Variants in DLG2 observed in about 807,000 individuals in gnomAD.
DLG2 encodes discs large MAGUK scaffold protein 2.
In DLG2, 45 loss-of-function variants were observed where a neutral mutation model predicts 132.5. That is an observed-to-expected ratio of 0.34 (90% CI 0.27 to 0.44). The LOEUF is 0.44. Among genes scored for constraint, DLG2 ranks in the 20% least tolerant of loss-of-function variants. The probability of loss-of-function intolerance (pLI) is 1.00; values close to 1 mark genes in which losing one functional copy is unlikely to be tolerated. For missense variants in DLG2, 1,045 were observed against 1,196.9 expected (o/e 0.87, Z 1.87); for synonymous variants, 424 against 419.6 (o/e 1.01, Z -0.13).
chr11:85,477,389 G>C (rs1167800975), intron 3 of DLG2, among the ~76,000 whole-genome samples: 2 of 152,128 alleles, frequency 1.3e-5, no homozygotes, highest in African/African-American at 4.8e-5. Context: ...GGTAGAGAAG[G>C]ATTTCTTAAA....
At chr11:84,489,071 G>A (rs1435912208) in intron 7 of DLG2, among the ~76,000 whole-genome samples, 1 of 152,090 alleles carries the variant, frequency 6.6e-6, no homozygotes, top group Non-Finnish European at 1.5e-5. Flanking sequence ...ATAGATAATA[G>A]AGAGGACTCA....
At chr11:84,798,697 G>T (rs557181981) in intron 6 of DLG2, among the ~76,000 whole-genome samples, 13 of 152,278 alleles carry the variant, frequency 8.5e-5, no homozygotes, top group African/African-American at 2.9e-4. Flanking sequence ...CCTGAGGCCA[G>T]CACATCTCAG....
chr11:85,387,420 G>A (rs561438861), intron 3 of DLG2, among the ~76,000 whole-genome samples: 13 of 152,230 alleles, frequency 8.5e-5, no homozygotes, highest in Non-Finnish European at 1.8e-4. Flanking sequence ...AAAAATCAGT[G>A]TTTGTTTTAC....
intron 3 of DLG2, among the ~76,000 whole-genome samples, chr11:85,408,270 G>A (rs533782092): frequency 7.0e-4 from 105 of 149,712 alleles, no homozygotes; most frequent in African/African-American, 1.8e-3. Flanking sequence ...CTGTGTAACC[G>A]TCAGAAAATA....
chr11:84,187,401 C>T (rs888630509), intron 8 of DLG2, among the ~76,000 whole-genome samples: 2 of 152,000 alleles, frequency 1.3e-5, no homozygotes, highest in East Asian at 3.9e-4. Flanking sequence ...AATCAAAGGG[C>T]TTATAAAGAT....
At chr11:84,018,418 A>G (rs2095285092) in intron 11 of DLG2, among the ~76,000 whole-genome samples, 1 of 152,036 alleles carries the variant, frequency 6.6e-6, no homozygotes, top group Non-Finnish European at 1.5e-5. Flanking sequence ...CCTTTCTTAT[A>G]TAAGCTCTAC....
At chr11:83,707,473 C>T (rs1271901063) in intron 18 of DLG2, among the ~76,000 whole-genome samples, 2 of 152,190 alleles carry the variant, frequency 1.3e-5, no homozygotes, top group African/African-American at 4.8e-5. Context: ...AGTTCAAGAC[C>T]AGCCTGGCTA....
At chr11:85,080,520 T>C (rs1416680112) in intron 6 of DLG2, among the ~76,000 whole-genome samples, 2 of 152,138 alleles carry the variant, frequency 1.3e-5, no homozygotes, top group Non-Finnish European at 2.9e-5. Flanking sequence ...ATATAGAGGC[T>C]TGGCTCAGTG....
chr11:84,358,112 A>C (rs113874819), intron 7 of DLG2, among the ~76,000 whole-genome samples: 141 of 152,194 alleles, frequency 9.3e-4, no homozygotes, highest in African/African-American at 3.3e-3. Flanking sequence ...TTCAGAAGGT[A>C]CTCAACATGT....
chr11:84,005,984 C>T (rs887337475), intron 11 of DLG2, among the ~76,000 whole-genome samples: 1 of 151,722 alleles, frequency 6.6e-6, no homozygotes, highest in Non-Finnish European at 1.5e-5. Context: ...GGGTATCTAT[C>T]CAAGGGAACA....
intron 18 of DLG2, among the ~76,000 whole-genome samples, chr11:83,659,223 A>G (rs1481287832): frequency 2.0e-5 from 3 of 152,220 alleles, no homozygotes; most frequent in Non-Finnish European, 4.4e-5. Context: ...TAACAAGTCT[A>G]TAAGGTAGGT....
intron 7 of DLG2, among the ~76,000 whole-genome samples, chr11:84,433,861 A>AATC (rs2098992246): frequency 6.6e-6 from 1 of 152,202 alleles, no homozygotes; most frequent in Admixed American, 6.5e-5. Flanking sequence ...TCATGCCTGT[A>AATC]ATCCCAGCAC....
intron 3 of DLG2, among the ~76,000 whole-genome samples, chr11:85,570,051 C>A (rs968552866): frequency 6.6e-6 from 1 of 152,138 alleles, no homozygotes; most frequent in Non-Finnish European, 1.5e-5. Flanking sequence ...GTAGTTACTA[C>A]GCTCACTACC....
intron 15 of DLG2, among the ~76,000 whole-genome samples, chr11:83,898,615 T>C (rs1468039504): frequency 2.0e-5 from 3 of 152,144 alleles, no homozygotes; most frequent in African/African-American, 7.2e-5. Context: ...ATTTAAAAAA[T>C]AAATCTCATT....
At chr11:84,122,058 T>C (rs2093949231) in intron 9 of DLG2, among the ~76,000 whole-genome samples, 1 of 151,646 alleles carries the variant, frequency 6.6e-6, no homozygotes, top group African/African-American at 2.4e-5. Flanking sequence ...CGGTGGCTCA[T>C]GCCTGTAATT....
chr11:85,182,117 T>C (rs1446623598), intron 4 of DLG2, among the ~76,000 whole-genome samples: 2 of 152,012 alleles, frequency 1.3e-5, no homozygotes, highest in Non-Finnish European at 1.5e-5. Context: ...TTGTCTCTAA[T>C]GTCCTAGGAC....
chr11:85,453,494 T>A (rs2092319448), intron 3 of DLG2: 1 of 156,744 alleles, frequency 6.4e-6, no homozygotes, highest in Non-Finnish European at 1.4e-5. Flanking sequence ...CCTTCATCAA[T>A]GAAAACAGGT....
chr11:83,621,193 G>A (rs1272122842), intron 19 of DLG2, among the ~76,000 whole-genome samples: 1 of 151,960 alleles, frequency 6.6e-6, no homozygotes, highest in Non-Finnish European at 1.5e-5. Context: ...ATTATAATTT[G>A]CCTTTTTGTT....
At chr11:84,962,045 G>A (rs914845516) in intron 6 of DLG2, among the ~76,000 whole-genome samples, 2 of 152,170 alleles carry the variant, frequency 1.3e-5, no homozygotes, top group Middle Eastern at 3.2e-3. Context: ...AGAACAACAA[G>A]AATTTACATT....
Sources: gnomAD v4.1 joint callset for allele counts (sites outside exome capture counted in the v4.1 genomes callset) on GRCh38, gnomAD v4.1.1 for gene constraint, MANE v1.5 for transcripts, NCBI Gene and HGNC (gene_info 2026-07-23, HGNC 2026-07-21) for gene names.